MTMR3: variants seen among roughly 807,000 people sequenced by gnomAD.
The protein encoded by MTMR3 is myotubularin related protein 3, also known as phosphatidylinositol-3,5-bisphosphate 3-phosphatase MTMR3.
A neutral mutation model predicts 132.4 loss-of-function variants in MTMR3; 32 were observed. That is an observed-to-expected ratio of 0.24 (90% CI 0.18 to 0.32). The LOEUF (loss-of-function observed/expected upper bound fraction) is 0.32. MTMR3 is among the 10% of genes least tolerant of loss of function. The pLI is 1.00. For missense variants in MTMR3, 1,216 were observed against 1,489.6 expected (o/e 0.82, Z 3.02); for synonymous variants, 556 against 550.3 (o/e 1.01, Z -0.14).
chr22:30,022,653 G>C lies in MTMR3; in HGVS notation c.3381G>C (p.Ala1127=), dbSNP rs769960632. Residue 1127 remains alanine, a synonymous_variant, in exon 19 of 20, where the codon GCG becomes GCC. Transcript: ENST00000401950. ...ACCACCTGGCCGCCCACTGCTATGCGTGCGACAGTGCCTTCTGGCTTGCCA... is the reference window on the plus strand; with the variant it reads ...ACCACCTGGCCGCCCACTGCTATGCCTGCGACAGTGCCTTCTGGCTTGCCA... The part of the protein sequence containing the change: ...LPDHLAAHCY[A]CDSAFWLASR... 129 of 1,611,920 alleles carry C rather than the reference G, an allele frequency of 8.0e-5. No individual in the cohort carries two copies. The highest frequency in any genetic ancestry group is 1.0e-4 in the Non-Finnish European group (122 of 1,179,990).
chr22:29,991,536 A>C lies in MTMR3; in HGVS notation c.326A>C (p.Glu109Ala), dbSNP rs1455392240. Reference sequence around the variant, plus strand: ...TTTTCAACCTTTGAGCAGTGTCAAGAGTGGCTGAAGAGACTGAACAACGCA... The same window carrying C: ...TTTTCAACCTTTGAGCAGTGTCAAGCGTGGCTGAAGAGACTGAACAACGCA... ...CQFSTFEQCQ[E>A]WLKRLNNAIR... Residue 109 changes from glutamate (E) to alanine (A), a missense_variant, in exon 7 of 20, where the codon GAG becomes GCG. By Grantham distance (107) the Glu-to-Ala change is moderately radical. Transcript: ENST00000401950. 1 of 1,613,958 alleles carries C rather than the reference A, an allele frequency of 6.2e-7. No individual in the cohort carries two copies. The highest frequency in any genetic ancestry group is 1.7e-5 in the Admixed American group (1 of 59,992).
chr22:30,017,088 A>G (rs901876987), intron 15 of MTMR3: 6 of 173,040 alleles, frequency 3.5e-5, no homozygotes, highest in Non-Finnish European at 6.2e-5. Context: ...CCCAGTGTCA[A>G]TAAGCAATGA....
chr22:29,993,371 T>G (rs889891773), intron 7 of MTMR3: 30 of 152,350 alleles, frequency 2.0e-4, no homozygotes, highest in Admixed American at 1.6e-3. Flanking sequence ...CAGTGATGTG[T>G]ACAAATCTTA....
At chr22:29,964,353 T>C (rs1454467178) in intron 2 of MTMR3, among the ~76,000 whole-genome samples, 1 of 152,158 alleles carries the variant, frequency 6.6e-6, no homozygotes, top group Admixed American at 6.5e-5. Context: ...TTGTTTGTTA[T>C]TTTACATAAT....
At chr22:29,973,858 C>T (rs1361659627) in intron 3 of MTMR3, among the ~76,000 whole-genome samples, 3 of 152,042 alleles carry the variant, frequency 2.0e-5, no homozygotes, top group African/African-American at 7.2e-5. Flanking sequence ...CTCAGCCTCC[C>T]AAAGTGCTGA....
intron 10 of MTMR3, chr22:30,007,579 G>T: frequency 1.8e-6 from 1 of 565,348 alleles, no homozygotes; most frequent in Non-Finnish European, 3.1e-6. Context: ...TGTAATAGAG[G>T]ACTTGCAGTA....
chr22:29,968,045 T>TA (rs2066463992), intron 2 of MTMR3, among the ~76,000 whole-genome samples: 3 of 152,186 alleles, frequency 2.0e-5, no homozygotes, highest in South Asian at 4.1e-4. Flanking sequence ...ATAATGCTGT[T>TA]ACGAAAATTT....
intron 14 of MTMR3, chr22:30,016,235 A>G (rs978212066): frequency 6.9e-5 from 23 of 333,024 alleles, no homozygotes; most frequent in Non-Finnish European, 1.2e-4. Context: ...TCCTGCACCC[A>G]GTTCATATGC....
chr22:29,924,139 CT>C (rs1245535539), intron 1 of MTMR3, among the ~76,000 whole-genome samples: 1 of 152,110 alleles, frequency 6.6e-6, no homozygotes, highest in Non-Finnish European at 1.5e-5. Flanking sequence ...CCCCTGTTTT[CT>C]TCTAAGAGTC....
At chr22:29,901,550 A>G (rs2065002220) in intron 1 of MTMR3, among the ~76,000 whole-genome samples, 1 of 152,212 alleles carries the variant, frequency 6.6e-6, no homozygotes, top group Admixed American at 6.5e-5. Flanking sequence ...TGATCAAGAT[A>G]CAGAGTAGTT....
chr22:29,927,939 G>GTTTTGTTTTTTTTTTTTTTTTT (rs1569008222), intron 1 of MTMR3, among the ~76,000 whole-genome samples: 1 of 107,374 alleles, frequency 9.3e-6, no homozygotes, highest in Non-Finnish European at 1.8e-5. Context: ...TCTAGCCTTT[G>GTTTTGTTTTTTTTTTTTTTTTT]TTTTTTTTTT....
At chr22:30,009,335 G>A (rs1243232176) in intron 12 of MTMR3, 3 of 524,802 alleles carry the variant, frequency 5.7e-6, no homozygotes, top group Admixed American at 3.5e-5. Context: ...GGAAGAGTTG[G>A]GAGAAAATAC....
At chr22:29,929,940 T>C (rs2145787751) in intron 1 of MTMR3, among the ~76,000 whole-genome samples, 1 of 152,150 alleles carries the variant, frequency 6.6e-6, no homozygotes, top group South Asian at 2.1e-4. Flanking sequence ...GTGTGAGGGG[T>C]GTGTGGAGAG....
intron 1 of MTMR3, among the ~76,000 whole-genome samples, chr22:29,893,862 T>A (rs2064843149): frequency 6.6e-6 from 1 of 152,200 alleles, no homozygotes; most frequent in South Asian, 2.1e-4. Flanking sequence ...TTTTTATTTT[T>A]TAAGACGGAG....
At position 30,019,379 on chromosome 22, in the gene MTMR3, T is replaced by C. The variant is rs929751375; in HGVS notation, c.1821-101T>C. The C allele has an allele frequency of 8.1e-6, 9 of 1,117,926 alleles. No individual in the cohort carries two copies. In the East Asian group the frequency reaches 2.3e-4, roughly 28 times the overall value. The allele number at this position is 1,117,926 out of a possible 1,614,324, so 69.3% of individuals were successfully genotyped here. A position where few individuals can be genotyped will look rare whatever the true frequency, so the allele number is the denominator to read the frequency against. On this transcript the variant is annotated intron_variant, in intron 16 of 19. Transcript: ENST00000401950. ...GCTACAGCTCCATGAGTAGCCATAA[T>C]GGACCCAGTTATGAAACAACTGCTT...
At chr22:29,924,303 A>G (rs1169704528) in intron 1 of MTMR3, among the ~76,000 whole-genome samples, 1 of 152,090 alleles carries the variant, frequency 6.6e-6, no homozygotes, top group Non-Finnish European at 1.5e-5. Context: ...TCTCAATACC[A>G]CTCATTGAAA....
rs138592540 is a variant in MTMR3, at chr22:30,020,501, C to T, written c.2842C>T (p.Leu948Phe). 3 of 1,614,200 alleles carry T rather than the reference C, an allele frequency of 1.9e-6. No individual in the cohort carries two copies. In the East Asian group the frequency reaches 6.7e-5, roughly 36 times the overall value. The change falls in exon 17 of 20, where the codon CTC becomes TTC. Residue 948 changes from leucine (L) to phenylalanine (F), a missense_variant. Leu to Phe is a conservative substitution (Grantham distance 22, BLOSUM62 0). Coordinates refer to ENST00000401950, the MANE Select transcript of MTMR3 (RefSeq NM_021090.4). ...ASEQPPGLST[L>F]QMYPTPNGHC... is the part of the protein sequence containing the mutation. ...AGAGCAGCCCCCAGGTCTTAGCACC[C>T]TCCAGATGTACCCCACACCCAATGG...
chr22:29,903,328 A>G (rs557058574), intron 1 of MTMR3, among the ~76,000 whole-genome samples: 200 of 151,934 alleles, frequency 1.3e-3, no homozygotes, highest in Non-Finnish European at 2.3e-3. Flanking sequence ...TACAGAGGCC[A>G]TAGGTGGTTT....
chr22:29,936,068 G>C (rs1602510240), intron 1 of MTMR3, among the ~76,000 whole-genome samples: 2 of 152,064 alleles, frequency 1.3e-5, no homozygotes, highest in Middle Eastern at 6.8e-3. Context: ...CCCACTTTTA[G>C]GGGAAAAGTT....
Sources: gnomAD v4.1 joint callset for allele counts (sites outside exome capture counted in the v4.1 genomes callset) on GRCh38, gnomAD v4.1.1 for gene constraint, MANE v1.5 for transcripts, NCBI Gene and HGNC (gene_info 2026-07-23, HGNC 2026-07-21) for gene names.